Variants in NPAS3 observed in about 807,000 individuals in gnomAD.
NPAS3 encodes neuronal PAS domain protein 3, also known as neuronal PAS domain-containing protein 3.
NPAS3 carries 14 observed loss-of-function variants against 73.1 expected under a neutral mutation model. The observed-to-expected ratio is 0.19, with a 90% CI of 0.13 to 0.30. NPAS3 has a LOEUF of 0.30. Among genes scored for constraint, NPAS3 ranks in the 10% least tolerant of loss-of-function variants. The pLI, the probability that NPAS3 is intolerant of heterozygous loss-of-function variation, is 1.00. For synonymous variants in NPAS3, 620 were observed against 541.5 expected (o/e 1.14, Z -2.01); for missense variants, 1,096 against 1,250.0 (o/e 0.88, Z 1.86).
chr14:33,262,520 T>C (rs2049011672), intron 3 of NPAS3, among the ~76,000 whole-genome samples: 1 of 152,322 alleles, frequency 6.6e-6, no homozygotes, highest in African/African-American at 2.4e-5. Context: ...CAAATCATGA[T>C]GAAATGTTAA....
chr14:33,448,923 C>G lies in NPAS3; in HGVS notation c.468+81655C>G, dbSNP rs548774387. 5.3e-5 allele frequency among the ~76,000 whole-genome samples: 8 copies of G among 152,240 alleles called. 1 individual carries two copies. The South Asian group carries it at 1.7e-3, about 32-fold the overall frequency. On this transcript the variant is annotated intron_variant, in intron 4 of 11. Coordinates refer to ENST00000356141, the Ensembl canonical transcript of NPAS3. ...AGGTCCAAGAGAAACCCCAAACGAT[C>G]TGATAATAAAGAGGAAACCCTGATA...
chr14:33,167,036 A>G (rs1009006689), intron 2 of NPAS3, among the ~76,000 whole-genome samples: 1 of 152,140 alleles, frequency 6.6e-6, no homozygotes, highest in Non-Finnish European at 1.5e-5. Flanking sequence ...CATGCTTCAC[A>G]AGGGCTATTT....
At chr14:33,346,738 C>A (rs1469220784) in intron 3 of NPAS3, among the ~76,000 whole-genome samples, 1 of 152,054 alleles carries the variant, frequency 6.6e-6, no homozygotes, top group Admixed American at 6.6e-5. Context: ...CATCATGGAA[C>A]CCAGTGATAA....
rs376128181 is a variant in NPAS3 at position 33,449,441 on chromosome 14, G to A, written c.468+82173G>A. ...CACAGCTGAACTGAGTAGTTGCAACGGAGGATGTATGCCCTGCAAAGCCTA... is the reference window on the plus strand; with the variant it reads ...CACAGCTGAACTGAGTAGTTGCAACAGAGGATGTATGCCCTGCAAAGCCTA... On this transcript the variant is annotated intron_variant, in intron 4 of 11. Transcript: ENST00000356141. 6.6e-4 allele frequency among the ~76,000 whole-genome samples: 101 copies of A among 152,288 alleles called. 1 individual carries two copies. Among genetic ancestry groups the A allele is most frequent in the Middle Eastern group, 3.4e-3 (1 of 294 alleles).
At chr14:33,197,435 T>TA (rs1288577100) in intron 2 of NPAS3, among the ~76,000 whole-genome samples, 4 of 151,726 alleles carry the variant, frequency 2.6e-5, no homozygotes, top group Non-Finnish European at 4.4e-5. Flanking sequence ...ACACTGCACA[T>TA]AGACATCATG....
intron 3 of NPAS3, among the ~76,000 whole-genome samples, chr14:33,284,932 G>A (rs116327395): frequency 1.3e-5 from 2 of 152,126 alleles, no homozygotes; most frequent in African/African-American, 4.8e-5. Context: ...ACAGAGGTCA[G>A]ATGTGTCCTA....
At chr14:33,069,715 G>A (rs770000888) in intron 2 of NPAS3, among the ~76,000 whole-genome samples, 39 of 152,212 alleles carry the variant, frequency 2.6e-4, no homozygotes, top group Admixed American at 4.6e-4. Context: ...TCCCCTGGAA[G>A]TGCATACTAA....
At chr14:33,029,633 C>T (rs1017526055) in intron 1 of NPAS3, among the ~76,000 whole-genome samples, 33 of 152,190 alleles carry the variant, frequency 2.2e-4, no homozygotes, top group African/African-American at 7.7e-4. Context: ...AACACTGTGG[C>T]ACATGGTCCT....
At chr14:33,569,958 G>T (rs1205230981) in intron 5 of NPAS3, among the ~76,000 whole-genome samples, 1 of 152,180 alleles carries the variant, frequency 6.6e-6, no homozygotes, top group Non-Finnish European at 1.5e-5. Context: ...CTTGCTTTAA[G>T]AAATGTTAAG....
Position 33,425,540 on chromosome 14 carries a change from C to CTTTT in NPAS3, c.468+58284_468+58287dup, listed in dbSNP as rs35858110. Among the ~76,000 whole-genome samples, 4 of 140,484 alleles carry CTTTT rather than the reference C, an allele frequency of 2.8e-5. No individual in the cohort carries two copies. In the South Asian group the frequency reaches 6.8e-4, roughly 24 times the overall value. 92.2% of individuals were successfully genotyped at this position (140,484 alleles called of 152,430 possible). ...CAGATTCTCCCTGTTTCCACTCCAC[C>CTTTT]TTTTTTTTTTTTTTTAGCATGTTGG... On this transcript the variant is annotated intron_variant, in intron 4 of 11. Transcript: ENST00000356141.
chr14:33,417,057 G>C (rs893911005), intron 4 of NPAS3, among the ~76,000 whole-genome samples: 8 of 152,006 alleles, frequency 5.3e-5, no homozygotes, highest in African/African-American at 1.7e-4. Context: ...GTTGGTACTT[G>C]ATACTTTCAG....
At chr14:33,244,865 C>T (rs1201517107) in intron 3 of NPAS3, among the ~76,000 whole-genome samples, 1 of 152,194 alleles carries the variant, frequency 6.6e-6, no homozygotes, top group Non-Finnish European at 1.5e-5. Flanking sequence ...TTCTTCTGAC[C>T]TTGTCTTTGC....
chr14:33,398,093 A>G (rs2047299797), intron 4 of NPAS3, among the ~76,000 whole-genome samples: 5 of 152,166 alleles, frequency 3.3e-5, no homozygotes, highest in African/African-American at 1.2e-4. Flanking sequence ...AGAGATGATT[A>G]AGAAAAATCA....
chr14:33,121,545 A>G (rs1002860093), intron 2 of NPAS3, among the ~76,000 whole-genome samples: 8 of 152,156 alleles, frequency 5.3e-5, no homozygotes, highest in African/African-American at 1.9e-4. Flanking sequence ...TGTTTGTTAA[A>G]TGAATGAGTG....
At chr14:33,088,838 A>G (rs1323000030) in intron 2 of NPAS3, among the ~76,000 whole-genome samples, 1 of 152,170 alleles carries the variant, frequency 6.6e-6, no homozygotes, top group Admixed American at 6.5e-5. Context: ...TTCCAGAGGA[A>G]CCATCAGGCA....
chr14:33,423,989 A>C (rs1257781883), intron 4 of NPAS3, among the ~76,000 whole-genome samples: 1 of 152,002 alleles, frequency 6.6e-6, no homozygotes, highest in Non-Finnish European at 1.5e-5. Context: ...AAAGTGCTCA[A>C]CTCTGGTGAA....
At chr14:33,686,983 T>G (rs1952601) in intron 6 of NPAS3, among the ~76,000 whole-genome samples, 2,313 of 152,336 alleles carry the variant, frequency 0.015, 50 homozygotes, top group African/African-American at 0.049. Flanking sequence ...AAAAGTCATT[T>G]AAGAGATTAT....
intron 3 of NPAS3, among the ~76,000 whole-genome samples, chr14:33,271,990 AT>A (rs2041112134): frequency 6.6e-6 from 1 of 152,212 alleles, no homozygotes; most frequent in Non-Finnish European, 1.5e-5. Flanking sequence ...ACATAGATAA[AT>A]TAAGTGACTG....
At chr14:33,779,790 G>A (rs1482126825) in intron 9 of NPAS3, among the ~76,000 whole-genome samples, 3 of 152,162 alleles carry the variant, frequency 2.0e-5, no homozygotes, top group African/African-American at 7.2e-5. Context: ...ATACCCTAGT[G>A]ATGCATTTCT....
Sources: gnomAD v4.1 joint callset for allele counts (sites outside exome capture counted in the v4.1 genomes callset) on GRCh38, gnomAD v4.1.1 for gene constraint, MANE v1.5 for transcripts, NCBI Gene and HGNC (gene_info 2026-07-23, HGNC 2026-07-21) for gene names.